IL1RAPL1: variants seen among roughly 807,000 people sequenced by gnomAD.
The protein encoded by IL1RAPL1 is interleukin-1 receptor accessory protein-like 1.
A neutral mutation model predicts 48.4 loss-of-function variants in IL1RAPL1; 3 were observed. The ratio of observed to expected loss-of-function variants is 0.06; its 90% confidence interval spans 0.03 to 0.16. IL1RAPL1 has a LOEUF of 0.16. Ranked by LOEUF, IL1RAPL1 falls within the 10% of genes least tolerant of loss-of-function variation. IL1RAPL1 has a pLI of 1.00. For synonymous variants in IL1RAPL1, 185 were observed against 187.7 expected, an observed-to-expected ratio of 0.99 and a Z score of 0.12; for missense variants, 349 against 530.6, an observed-to-expected ratio of 0.66 and a Z score of 3.36.
At chrX:29,781,552 G>A (rs1231051603) in intron 6 of IL1RAPL1, among the ~76,000 whole-genome samples, 9 of 111,345 alleles carry the variant, frequency 8.1e-5, no homozygotes, top group African/African-American at 2.3e-4. Context: ...TATACTCTTC[G>A]TCAAATGCAC....
chrX:29,602,952 A>G, intron 5 of IL1RAPL1, among the ~76,000 whole-genome samples: 1 of 112,523 alleles, frequency 8.9e-6, no homozygotes, highest in Non-Finnish European at 1.9e-5. Context: ...TTCAGTGGTT[A>G]TAATCAAATT....
chrX:29,535,134 C>CAAAAA lies in IL1RAPL1; in HGVS notation c.704-133272_704-133268dup, dbSNP rs35842937. On this transcript the variant is annotated intron_variant, in intron 5 of 10. Coordinates refer to ENST00000378993, the MANE Select transcript of IL1RAPL1 (RefSeq NM_014271.4). ...GGGCAATGGAGTCAGACTCTGTCTCCAAAAAAAAAAAAAAAAAAAAAAAAA... is the reference window on the plus strand; with the variant it reads ...GGGCAATGGAGTCAGACTCTGTCTCCAAAAAAAAAAAAAAAAAAAAAAAAAAAAAA... 8.5e-3 allele frequency among the ~76,000 whole-genome samples: 193 copies of CAAAAA among 22,583 alleles called. 18 individuals are homozygous for CAAAAA. Among genetic ancestry groups the CAAAAA allele is most frequent in the African/African-American group, 0.029 (148 of 5,155 alleles). The allele number at this position is 22,583 out of a possible 115,157, so 19.6% of individuals were successfully genotyped here.
At chrX:29,045,420 A>G (rs773310052) in intron 2 of IL1RAPL1, among the ~76,000 whole-genome samples, 1 of 111,941 alleles carries the variant, frequency 8.9e-6, no homozygotes, top group South Asian at 3.7e-4. Flanking sequence ...AAGTAAAAAT[A>G]TTGTTCTTTA....
Position 28,829,838 on chromosome X carries a change from G to A in IL1RAPL1, c.82+40413G>A, listed in dbSNP as rs371075577. Reference sequence around the variant, plus strand: ...CTCCCAAAGTGTTGGGATTACAGGCGTGAGCCACCGTGCCCGGCCTGGAAT... The same window carrying A: ...CTCCCAAAGTGTTGGGATTACAGGCATGAGCCACCGTGCCCGGCCTGGAAT... On this transcript the variant is annotated intron_variant, in intron 2 of 10. Coordinates refer to ENST00000378993, the MANE Select transcript of IL1RAPL1 (RefSeq NM_014271.4). Among the ~76,000 whole-genome samples the A allele has an allele frequency of 1.0e-4, 11 of 110,500 alleles. No individual in the cohort carries two copies. In the East Asian group the frequency reaches 1.7e-3, roughly 17 times the overall value.
At chrX:28,701,909 T>C (rs1197130835) in intron 1 of IL1RAPL1, among the ~76,000 whole-genome samples, 1 of 111,859 alleles carries the variant, frequency 8.9e-6, no homozygotes, top group Admixed American at 9.5e-5. Flanking sequence ...TTACAACATG[T>C]ATTATACATC....
intron 5 of IL1RAPL1, among the ~76,000 whole-genome samples, chrX:29,646,226 G>A (rs765953562): frequency 1.8e-5 from 2 of 111,508 alleles, no homozygotes; most frequent in East Asian, 5.7e-4. Flanking sequence ...TAAGTGACCA[G>A]TACAATAAAT....
At chrX:29,608,555 G>C (rs750899616) in intron 5 of IL1RAPL1, among the ~76,000 whole-genome samples, 2 of 111,494 alleles carry the variant, frequency 1.8e-5, no homozygotes, top group African/African-American at 3.3e-5. Flanking sequence ...GGCCGGGCGC[G>C]GTGGCTTATG....
chrX:29,649,687 A>G (rs750193910), intron 5 of IL1RAPL1, among the ~76,000 whole-genome samples: 6 of 111,773 alleles, frequency 5.4e-5, no homozygotes, highest in African/African-American at 1.6e-4. Flanking sequence ...CTTTTCCTCA[A>G]AGATCTGGAA....
chrX:29,686,940 T>C (rs1254332954), intron 6 of IL1RAPL1, among the ~76,000 whole-genome samples: 1 of 108,362 alleles, frequency 9.2e-6, no homozygotes, highest in Non-Finnish European at 1.9e-5. Flanking sequence ...ACATCAAATC[T>C]ACAGTGAGAT....
At chrX:28,979,879 C>T (rs5985936) in intron 2 of IL1RAPL1, among the ~76,000 whole-genome samples, 41,086 of 110,861 alleles carry the variant, frequency 0.37, 5,602 homozygotes, top group Admixed American at 0.44. Context: ...AGCCCTTAAT[C>T]TACCACATGA....
At chrX:29,490,852 G>GTGTGTGTATATATATATATATACGTA (rs1556022575) in intron 5 of IL1RAPL1, among the ~76,000 whole-genome samples, 1 of 93,667 alleles carries the variant, frequency 1.1e-5, no homozygotes, top group Non-Finnish European at 2.0e-5. Flanking sequence ...GTGTGTGTGT[G>GTGTGTGTATATATATATATATACGTA]TATATATATA....
intron 5 of IL1RAPL1, among the ~76,000 whole-genome samples, chrX:29,436,901 T>C (rs1402072530): frequency 1.8e-5 from 2 of 110,600 alleles, no homozygotes; most frequent in Non-Finnish European, 3.8e-5. Context: ...TGTGTTACAA[T>C]TTTTTGGAGA....
intron 2 of IL1RAPL1, among the ~76,000 whole-genome samples, chrX:28,868,169 T>A (rs1922123870): frequency 9.0e-6 from 1 of 111,416 alleles, no homozygotes; most frequent in South Asian, 3.8e-4. Flanking sequence ...ATTTCCACGC[T>A]CTTGGCCCTT....
intron 2 of IL1RAPL1, among the ~76,000 whole-genome samples, chrX:29,171,905 T>C (rs1389241825): frequency 8.9e-6 from 1 of 112,421 alleles, no homozygotes; most frequent in Non-Finnish European, 1.9e-5. Context: ...ATGGGTAAAA[T>C]AGGGCTTCTT....
intron 6 of IL1RAPL1, among the ~76,000 whole-genome samples, chrX:29,776,264 G>A (rs768579188): frequency 3.6e-5 from 4 of 111,272 alleles, no homozygotes; most frequent in Admixed American, 9.6e-5. Context: ...TTGTTCTCTT[G>A]AATATAGCAG....
At chrX:29,041,367 G>A (rs1926842383) in intron 2 of IL1RAPL1, among the ~76,000 whole-genome samples, 1 of 111,626 alleles carries the variant, frequency 9.0e-6, no homozygotes, top group Admixed American at 9.6e-5. Flanking sequence ...TTATTTATGA[G>A]TATTTGCTGG....
At chrX:29,837,270 A>T (rs866950857) in intron 6 of IL1RAPL1, among the ~76,000 whole-genome samples, 2 of 51,349 alleles carry the variant, frequency 3.9e-5, no homozygotes, top group South Asian at 1.7e-3. Flanking sequence ...AAAAAAAAAA[A>T]AAATATATAT....
chrX:29,529,141 A>T (rs1279782996), intron 5 of IL1RAPL1, among the ~76,000 whole-genome samples: 1 of 111,906 alleles, frequency 8.9e-6, no homozygotes, highest in African/African-American at 3.3e-5. Flanking sequence ...CATAAATGAT[A>T]TAGAAATAAT....
intron 6 of IL1RAPL1, among the ~76,000 whole-genome samples, chrX:29,736,738 G>T (rs1471799240): frequency 8.9e-6 from 1 of 111,966 alleles, no homozygotes; most frequent in Non-Finnish European, 1.9e-5. Context: ...AAAAGAACTT[G>T]TTTGTGACTG....
Sources: gnomAD v4.1 joint callset for allele counts (sites outside exome capture counted in the v4.1 genomes callset) on GRCh38, gnomAD v4.1.1 for gene constraint, MANE v1.5 for transcripts, NCBI Gene and HGNC (gene_info 2026-07-23, HGNC 2026-07-21) for gene names.